The following FSTL4 variants were observed in gnomAD, a reference collection of about 807,000 sequenced individuals.
FSTL4 encodes the protein follistatin-related protein 4.
FSTL4 carries 28 observed loss-of-function variants against 78.2 expected under a neutral mutation model. The ratio of observed to expected loss-of-function variants is 0.36; its 90% confidence interval spans 0.27 to 0.49. The LOEUF (loss-of-function observed/expected upper bound fraction) is 0.49. FSTL4 is among the 20% of genes least tolerant of loss of function. FSTL4 has a pLI of 0.98. For missense variants in FSTL4, 922 were observed against 1,084.9 expected, an observed-to-expected ratio of 0.85 and a Z score of 2.11; for synonymous variants, 422 against 440.5, an observed-to-expected ratio of 0.96 and a Z score of 0.53.
chr5:133,837,450 C>T, the FSTL4 span, among the ~76,000 whole-genome samples: 1 of 152,128 alleles, frequency 6.6e-6, no homozygotes, highest in Non-Finnish European at 1.5e-5. Flanking sequence ...TTTGTGCACA[C>T]CTAGTTATTT....
At chr5:133,664,224 T>C in the FSTL4 span, among the ~76,000 whole-genome samples, 3 of 152,102 alleles carry the variant, frequency 2.0e-5, no homozygotes, top group African/African-American at 7.2e-5. Context: ...GGACCCATTC[T>C]ACTCTAAGAG....
At chr5:133,678,076 C>G in the FSTL4 span, among the ~76,000 whole-genome samples, 1 of 151,822 alleles carries the variant, frequency 6.6e-6, no homozygotes, top group Admixed American at 6.6e-5. Flanking sequence ...CACTTAAAAT[C>G]TACTCTCTTA....
intron 4 of FSTL4, among the ~76,000 whole-genome samples, chr5:133,365,249 AT>A (rs1755159296): frequency 6.6e-6 from 1 of 151,902 alleles, no homozygotes; most frequent in Non-Finnish European, 1.5e-5. Flanking sequence ...AATAATAATA[AT>A]AATAATAATA....
chr5:133,772,872 C>T, the FSTL4 span, among the ~76,000 whole-genome samples: 3 of 152,080 alleles, frequency 2.0e-5, no homozygotes, highest in Non-Finnish European at 2.9e-5. Context: ...AACCATAGCA[C>T]CAACGAATGT....
At chr5:133,804,788 CA>C in the FSTL4 span, among the ~76,000 whole-genome samples, 1 of 151,812 alleles carries the variant, frequency 6.6e-6, no homozygotes. Context: ...ACTAAAAATA[CA>C]AAAAATTAGC....
the FSTL4 span, among the ~76,000 whole-genome samples, chr5:133,621,218 G>A: frequency 6.6e-6 from 1 of 152,128 alleles, no homozygotes; most frequent in Non-Finnish European, 1.5e-5. Flanking sequence ...GGCTAATACG[G>A]TGAAACCCTG....
At chr5:133,825,089 CAG>C in the FSTL4 span, among the ~76,000 whole-genome samples, 1 of 152,176 alleles carries the variant, frequency 6.6e-6, no homozygotes, top group East Asian at 1.9e-4. Context: ...CCTCACTTCA[CAG>C]AGACACTGAG....
At chr5:133,235,627 G>A (rs79455567) in intron 7 of FSTL4, among the ~76,000 whole-genome samples, 2 of 152,142 alleles carry the variant, frequency 1.3e-5, no homozygotes. Flanking sequence ...CTGCTTGCAG[G>A]GAGGGTCAGG....
At chr5:133,703,720 C>T in the FSTL4 span, among the ~76,000 whole-genome samples, 2 of 152,200 alleles carry the variant, frequency 1.3e-5, no homozygotes, top group African/African-American at 4.8e-5. Flanking sequence ...TGAGACGAGG[C>T]TCTGCAGGGT....
the FSTL4 span, among the ~76,000 whole-genome samples, chr5:133,819,533 G>A: frequency 6.6e-6 from 1 of 152,166 alleles, no homozygotes; most frequent in South Asian, 2.1e-4. Context: ...CTGAACTGTA[G>A]GCTATAATTT....
chr5:133,786,701 A>C, the FSTL4 span, among the ~76,000 whole-genome samples: 1 of 152,122 alleles, frequency 6.6e-6, no homozygotes. Context: ...GAGGGAGCAA[A>C]AAGGACTTCC....
At chr5:133,722,285 T>C in the FSTL4 span, among the ~76,000 whole-genome samples, 1 of 152,144 alleles carries the variant, frequency 6.6e-6, no homozygotes, top group Non-Finnish European at 1.5e-5. Flanking sequence ...TGATCTGAGG[T>C]GGAAGTGTCA....
At chr5:133,277,779 G>A (rs960668862) in intron 6 of FSTL4, among the ~76,000 whole-genome samples, 7 of 152,172 alleles carry the variant, frequency 4.6e-5, no homozygotes, top group Non-Finnish European at 5.9e-5. Context: ...TTCCCCCACC[G>A]GCATGATGTA....
intron 3 of FSTL4, among the ~76,000 whole-genome samples, chr5:133,550,167 T>C (rs1759663202): frequency 6.6e-6 from 1 of 152,246 alleles, no homozygotes; most frequent in African/African-American, 2.4e-5. Flanking sequence ...CACTGAGGTA[T>C]TTAAAGGATT....
At chr5:133,735,109 T>A in the FSTL4 span, among the ~76,000 whole-genome samples, 4 of 151,390 alleles carry the variant, frequency 2.6e-5, no homozygotes, top group African/African-American at 9.7e-5. Flanking sequence ...TAGAAGGGAG[T>A]CCCCTGGCAA....
At chr5:133,660,210 C>T in the FSTL4 span, among the ~76,000 whole-genome samples, 1 of 152,142 alleles carries the variant, frequency 6.6e-6, no homozygotes, top group Non-Finnish European at 1.5e-5. Context: ...TCTTTCAGGC[C>T]TGGAGACAAA....
chr5:133,527,434 CT>C (rs1373838897), intron 3 of FSTL4, among the ~76,000 whole-genome samples: 7 of 152,062 alleles, frequency 4.6e-5, no homozygotes, highest in Admixed American at 1.3e-4. Flanking sequence ...CTCTCAGCCT[CT>C]CAGTTGTGAT....
At chr5:133,307,758 CT>C (rs746130583) in intron 6 of FSTL4, among the ~76,000 whole-genome samples, 51 of 151,294 alleles carry the variant, frequency 3.4e-4, no homozygotes, top group Middle Eastern at 3.4e-3. Context: ...GGTGGTGAGA[CT>C]CACACCTTCT....
At chr5:133,378,662 C>G (rs1755498786) in intron 4 of FSTL4, among the ~76,000 whole-genome samples, 1 of 152,002 alleles carries the variant, frequency 6.6e-6, no homozygotes, top group Non-Finnish European at 1.5e-5. Flanking sequence ...AATAACATTT[C>G]TATATCTCAC....
Sources: gnomAD v4.1 joint callset for allele counts (sites outside exome capture counted in the v4.1 genomes callset) on GRCh38, gnomAD v4.1.1 for gene constraint, MANE v1.5 for transcripts, NCBI Gene and HGNC (gene_info 2026-07-23, HGNC 2026-07-21) for gene names.